Variants in TMTC1 observed in about 807,000 individuals in gnomAD.
TMTC1 encodes transmembrane O-mannosyltransferase targeting cadherins 1, also known as protein O-mannosyl-transferase TMTC1.
TMTC1 carries 73 observed loss-of-function variants against 104.8 expected under a neutral mutation model. The observed-to-expected ratio is 0.70, with a 90% confidence interval of 0.58 to 0.85. TMTC1 has a LOEUF of 0.85. Ranked by LOEUF, TMTC1 falls within the 40% of genes least tolerant of loss-of-function variation. TMTC1 has a pLI of 0.00. For synonymous variants in TMTC1, 434 were observed against 428.7 expected, an observed-to-expected ratio of 1.01 and a Z score of -0.15; for missense variants, 1,035 against 1,096.1, an observed-to-expected ratio of 0.94 and a Z score of 0.79.
At chr12:29,649,458 G>T (rs1387776914) in intron 5 of TMTC1, among the ~76,000 whole-genome samples, 1 of 152,240 alleles carries the variant, frequency 6.6e-6, no homozygotes, top group Non-Finnish European at 1.5e-5. Context: ...AGAGAGCCAA[G>T]CTGACAAAAC....
chr12:29,600,478 C>G (rs1946534859), intron 7 of TMTC1, among the ~76,000 whole-genome samples: 1 of 152,174 alleles, frequency 6.6e-6, no homozygotes, highest in African/African-American at 2.4e-5. Context: ...CCTGGACCAC[C>G]TCAATTGCAC....
At chr12:29,623,177 G>T (rs1937766776) in intron 6 of TMTC1, among the ~76,000 whole-genome samples, 1 of 152,182 alleles carries the variant, frequency 6.6e-6, no homozygotes. Context: ...TTTTTGTTTT[G>T]CATAGTTATA....
intron 10 of TMTC1, among the ~76,000 whole-genome samples, chr12:29,552,386 TTAAA>T (rs1459195882): frequency 1.3e-5 from 2 of 152,220 alleles, no homozygotes; most frequent in Admixed American, 6.5e-5. Context: ...TACATTAGGG[TTAAA>T]TAAATATTAT....
chr12:29,660,032 C>T (rs1421579045), intron 5 of TMTC1: 4 of 1,419,932 alleles, frequency 2.8e-6, no homozygotes, highest in Non-Finnish European at 1.9e-6. Flanking sequence ...TAATCTCCAC[C>T]CTTTTTGCAG....
intron 5 of TMTC1, among the ~76,000 whole-genome samples, chr12:29,698,681 C>T (rs905629659): frequency 6.6e-6 from 1 of 152,156 alleles, no homozygotes; most frequent in Admixed American, 6.5e-5. Context: ...TACATGCTTG[C>T]CTGGAACGTG....
Position 29,783,719 on chromosome 12 carries a change from G to A in TMTC1, c.33C>T (p.Gly11=). 2 of 1,212,414 alleles carry A rather than the reference G, an allele frequency of 1.6e-6. No homozygotes were observed. The highest frequency in any genetic ancestry group is 2.0e-6 in the Non-Finnish European group (2 of 979,058). 75.1% of individuals were successfully genotyped at this position (1,212,414 alleles called of 1,614,324 possible). A position where few individuals can be genotyped will look rare whatever the true frequency, so the allele number is the denominator to read the frequency against. Reference sequence around the variant, plus strand: ...GCCGCCGGGAGGGTGTGCGGTCCCCGCCGCCGCCTCGGGCAGAGGTGGTCA... The same window carrying A: ...GCCGCCGGGAGGGTGTGCGGTCCCCACCGCCGCCTCGGGCAGAGGTGGTCA... MVVTTSARGG[G]GDRTPSRRRG... The change falls in exon 1 of 18, where the codon GGC becomes GGT. Residue 11 remains glycine (G), a synonymous_variant. Coordinates refer to ENST00000539277, the MANE Select transcript of TMTC1 (RefSeq NM_001193451.2). This position sits in a 1 kb window ranked among gnomAD's most constrained non-coding sequence, Gnocchi z 4.7.
chr12:29,643,614 TA>T (rs1807324474), intron 5 of TMTC1, among the ~76,000 whole-genome samples: 2 of 32,246 alleles, frequency 6.2e-5, no homozygotes, highest in African/African-American at 3.2e-4. Flanking sequence ...TTATATATAA[TA>T]TATATCTATA....
At chr12:29,575,690 C>T (rs906385365) in intron 8 of TMTC1, among the ~76,000 whole-genome samples, 13 of 152,158 alleles carry the variant, frequency 8.5e-5, no homozygotes, top group Non-Finnish European at 1.5e-4. Flanking sequence ...AGATTTAAAA[C>T]GCACCACAGT....
chr12:29,581,981 G>C (rs1347903231), intron 8 of TMTC1, among the ~76,000 whole-genome samples: 1 of 152,020 alleles, frequency 6.6e-6, no homozygotes, highest in Admixed American at 6.6e-5. Flanking sequence ...GAAAAAAAAA[G>C]ATGCATTAAA....
At position 29,725,336 on chromosome 12, in the gene TMTC1, C is replaced by CT. The variant is rs1027843103; in HGVS notation, c.938+26329dup. Reference sequence around the variant, plus strand: ...GCCACCACGCCTGGCCTGCCAAGATCTTTTTTTTTCTTTTTTGGGATGGAA... The same window carrying CT: ...GCCACCACGCCTGGCCTGCCAAGATCTTTTTTTTTTCTTTTTTGGGATGGAA... On this transcript the variant is annotated intron_variant, in intron 5 of 17. Transcript: ENST00000539277. Among the ~76,000 whole-genome samples the CT allele has an allele frequency of 6.0e-5, 9 of 148,836 alleles. No homozygotes were observed. The South Asian group carries it at 6.5e-4, about 11-fold the overall frequency.
chr12:29,529,360 T>A (rs759879025), intron 11 of TMTC1, among the ~76,000 whole-genome samples: 1 of 151,804 alleles, frequency 6.6e-6, no homozygotes, highest in Non-Finnish European at 1.5e-5. Flanking sequence ...GAAAAAAAAA[T>A]GTTTCCAGTG....
At chr12:29,699,506 C>A (rs1344630063) in intron 5 of TMTC1, among the ~76,000 whole-genome samples, 2 of 152,058 alleles carry the variant, frequency 1.3e-5, no homozygotes, top group African/African-American at 4.8e-5. Flanking sequence ...TTTAAGAACT[C>A]CAAATGTAAT....
At chr12:29,665,640 G>A (rs1940248024) in intron 5 of TMTC1, among the ~76,000 whole-genome samples, 1 of 152,160 alleles carries the variant, frequency 6.6e-6, no homozygotes, top group African/African-American at 2.4e-5. Context: ...TTGATCATAT[G>A]ACAAAGTTTC....
intron 5 of TMTC1, among the ~76,000 whole-genome samples, chr12:29,711,631 T>G (rs1169244072): frequency 2.6e-5 from 4 of 152,150 alleles, no homozygotes; most frequent in Non-Finnish European, 4.4e-5. Context: ...TTCAGGGATT[T>G]GGGGCCCAGA....
chr12:29,663,110 CA>C, intron 5 of TMTC1, among the ~76,000 whole-genome samples: 1 of 152,282 alleles, frequency 6.6e-6, no homozygotes, highest in East Asian at 1.9e-4. Flanking sequence ...TTTTCTGAGG[CA>C]AAGTCCTTGA....
chr12:29,642,235 A>G (rs746938527), intron 5 of TMTC1, among the ~76,000 whole-genome samples: 3 of 152,326 alleles, frequency 2.0e-5, no homozygotes, highest in Middle Eastern at 3.4e-3. Flanking sequence ...CAAGAAGCAC[A>G]AAGAACACCG....
Position 29,736,415 on chromosome 12 carries a change from TTCTC to T in TMTC1, c.938+15247_938+15250del, listed in dbSNP as rs557637330. Among the ~76,000 whole-genome samples, 686 of 151,852 alleles carry T rather than the reference TTCTC, an allele frequency of 4.5e-3. 1 individual carries two copies. Among genetic ancestry groups the T allele is most frequent in the Non-Finnish European group, 5.5e-3 (375 of 67,900 alleles). On this transcript the variant is annotated intron_variant, in intron 5 of 17. Transcript: ENST00000539277. ...AAAAGTAACCTTTTCCTTACTTAAATTCTCTCTCTCTCTCTTTTTTTTAAGACAG... is the reference window on the plus strand; with the variant it reads ...AAAAGTAACCTTTTCCTTACTTAAATTCTCTCTCTCTTTTTTTTAAGACAG...
At chr12:29,538,563 A>G (rs1286448315) in intron 10 of TMTC1, among the ~76,000 whole-genome samples, 1 of 152,120 alleles carries the variant, frequency 6.6e-6, no homozygotes, top group Non-Finnish European at 1.5e-5. Context: ...TCTTCATAGC[A>G]ATGACTTAAT....
At chr12:29,668,374 C>A (rs1418893472) in intron 5 of TMTC1, among the ~76,000 whole-genome samples, 2 of 151,628 alleles carry the variant, frequency 1.3e-5, no homozygotes, top group African/African-American at 4.8e-5. Flanking sequence ...GAAGGCCTCA[C>A]TCTTAATACT....
Sources: allele counts gnomAD v4.1 joint callset (sites outside exome capture counted in the v4.1 genomes callset), GRCh38; gene constraint gnomAD v4.1.1; non-coding constraint Gnocchi (gnomAD v3.1); transcripts MANE v1.5; gene names NCBI Gene and HGNC (gene_info 2026-07-23, HGNC 2026-07-21).